TAF4B: variants seen among roughly 807,000 people sequenced by gnomAD.
TAF4B encodes the protein TATA-box binding protein associated factor 4b.
A neutral mutation model predicts 86.4 loss-of-function variants in TAF4B; 38 were observed. That is an observed-to-expected ratio of 0.44 (90% CI 0.34 to 0.58). The LOEUF is 0.58. Ranked by LOEUF, TAF4B falls within the 20% of genes least tolerant of loss-of-function variation. The pLI is 0.02. For synonymous variants in TAF4B, 388 were observed against 391.2 expected (o/e 0.99, Z 0.10); for missense variants, 988 against 1,027.6 (o/e 0.96, Z 0.53).
chr18:26,375,683 T>C (rs1567929341), intron 14 of TAF4B, among the ~76,000 whole-genome samples: 2 of 152,214 alleles, frequency 1.3e-5, no homozygotes, highest in South Asian at 4.1e-4. Flanking sequence ...TTTCATGTGC[T>C]TGTAGACCAT....
chr18:26,355,241 T>C (rs2144730487), intron 13 of TAF4B, among the ~76,000 whole-genome samples: 1 of 152,346 alleles, frequency 6.6e-6, no homozygotes, highest in East Asian at 1.9e-4. Context: ...TCTTGTAATA[T>C]TGCTAAACTC....
At chr18:26,339,207 T>C (rs1262422008) in intron 13 of TAF4B, among the ~76,000 whole-genome samples, 1 of 152,256 alleles carries the variant, frequency 6.6e-6, no homozygotes, top group Non-Finnish European at 1.5e-5. Context: ...TTATATTTTC[T>C]ATACTAGCCC....
At chr18:26,346,113 C>T (rs1395116009) in intron 13 of TAF4B, among the ~76,000 whole-genome samples, 2 of 152,106 alleles carry the variant, frequency 1.3e-5, no homozygotes, top group African/African-American at 4.8e-5. Context: ...AGACTAGAAG[C>T]ATGTGCCACC....
At chr18:26,326,909 C>G in intron 11 of TAF4B, 106 bp from the exon 12 acceptor site, 1 of 1,268,508 alleles carries the variant, frequency 7.9e-7, no homozygotes, top group African/African-American at 1.5e-5. Flanking sequence ...AGTTCAGCTT[C>G]CTATTTATGT....
chr18:26,295,855 C>T (rs2056656026), intron 9 of TAF4B, among the ~76,000 whole-genome samples: 1 of 151,838 alleles, frequency 6.6e-6, no homozygotes, highest in Non-Finnish European at 1.5e-5. Flanking sequence ...ATAGTTTTGC[C>T]CTAGAATATG....
At chr18:26,361,974 G>T (rs2057336248) in intron 14 of TAF4B, among the ~76,000 whole-genome samples, 1 of 151,896 alleles carries the variant, frequency 6.6e-6, no homozygotes, top group South Asian at 2.1e-4. Context: ...TTATTTTGTG[G>T]CAAGAGTAGT....
At chr18:26,321,637 G>A (rs931563803) in intron 11 of TAF4B, among the ~76,000 whole-genome samples, 1 of 150,642 alleles carries the variant, frequency 6.6e-6, no homozygotes, top group Non-Finnish European at 1.5e-5. Flanking sequence ...GGTATACAAC[G>A]TGTTAAAGAT....
intron 10 of TAF4B, among the ~76,000 whole-genome samples, chr18:26,316,889 A>G (rs918961434): frequency 6.6e-6 from 1 of 152,146 alleles, no homozygotes. Context: ...TAATTTGGGA[A>G]CAAGTCTCAG....
chr18:26,295,247 T>C (rs1001086218), intron 9 of TAF4B: 2 of 394,616 alleles, frequency 5.1e-6, no homozygotes, highest in Non-Finnish European at 1.0e-5. Flanking sequence ...TTTTTTTCTG[T>C]CGTGTTCTGT....
chr18:26,318,455 C>T (rs2056933029), intron 10 of TAF4B, among the ~76,000 whole-genome samples: 1 of 151,650 alleles, frequency 6.6e-6, no homozygotes, highest in Admixed American at 6.6e-5. Flanking sequence ...TAGAATAGGT[C>T]AGAACCAAGG....
chr18:26,233,119 C>T (rs1000137638), intron 1 of TAF4B, among the ~76,000 whole-genome samples: 5 of 152,130 alleles, frequency 3.3e-5, no homozygotes, highest in Non-Finnish European at 4.4e-5. Flanking sequence ...GTAGACAGAA[C>T]TGGTTGTGTA....
rs555280345 is a variant in TAF4B at position 26,279,557 on chromosome 18, A to C, written c.883-2414A>C. 3.3e-3 allele frequency among the ~76,000 whole-genome samples: 505 copies of C among 152,012 alleles called. 2 individuals carry two copies. Among genetic ancestry groups the C allele is most frequent in the African/African-American group, 0.011 (476 of 41,516 alleles). ...AAACAATTAGAAGCAAAAAAAAAAA[A>C]AAAACAACAACAACAAAGCCAAGTG... is the stretch of plus-strand genomic sequence containing the variant. On this transcript the variant is annotated intron_variant, in intron 5 of 14. Coordinates refer to ENST00000269142, the MANE Select transcript of TAF4B (RefSeq NM_005640.3).
intron 13 of TAF4B, among the ~76,000 whole-genome samples, chr18:26,339,780 C>T (rs891003040): frequency 2.0e-5 from 3 of 152,160 alleles, no homozygotes; most frequent in Non-Finnish European, 2.9e-5. Context: ...CTTAGCACAT[C>T]GTCCAGAATT....
At chr18:26,326,210 C>T (rs567448287) in intron 11 of TAF4B, among the ~76,000 whole-genome samples, 13 of 152,234 alleles carry the variant, frequency 8.5e-5, no homozygotes, top group African/African-American at 2.9e-4. Flanking sequence ...TATACACACT[C>T]ATAGAGGAGA....
At chr18:26,318,655 A>G (rs2056934382) in intron 10 of TAF4B, among the ~76,000 whole-genome samples, 1 of 152,158 alleles carries the variant, frequency 6.6e-6, no homozygotes, top group South Asian at 2.1e-4. Context: ...GATCTTAATC[A>G]GTTTTGTTGA....
At chr18:26,384,476 CTACTTTG>C (rs1978312787) in intron 14 of TAF4B, among the ~76,000 whole-genome samples, 2 of 152,276 alleles carry the variant, frequency 1.3e-5, no homozygotes, top group South Asian at 4.2e-4. Flanking sequence ...GGCCATCAGT[CTACTTTG>C]GAGCTTTAGG....
At chr18:26,329,238 G>A (rs1192925554) in intron 12 of TAF4B, among the ~76,000 whole-genome samples, 1 of 151,782 alleles carries the variant, frequency 6.6e-6, no homozygotes, top group Non-Finnish European at 1.5e-5. Flanking sequence ...TTGATTTTTT[G>A]TAGAGACAGG....
At chr18:26,273,408 T>C (rs1409776828) in intron 3 of TAF4B, among the ~76,000 whole-genome samples, 2 of 152,328 alleles carry the variant, frequency 1.3e-5, no homozygotes, top group East Asian at 3.9e-4. Flanking sequence ...TGTACACATA[T>C]GTAATATGTA....
chr18:26,346,883 A>ATATATATATATGTGTGTGTG (rs2057200016), intron 13 of TAF4B, among the ~76,000 whole-genome samples: 1 of 7,764 alleles, frequency 1.3e-4, no homozygotes, highest in Non-Finnish European at 4.6e-4. Flanking sequence ...ATGTGTATAT[A>ATATATATATATGTGTGTGTG]TATATATATA....
Sources: gnomAD v4.1 joint callset for allele counts (sites outside exome capture counted in the v4.1 genomes callset) on GRCh38, gnomAD v4.1.1 for gene constraint, MANE v1.5 for transcripts, NCBI Gene and HGNC (gene_info 2026-07-23, HGNC 2026-07-21) for gene names.